EIF2A: variants seen among roughly 807,000 people sequenced by gnomAD.
EIF2A encodes the protein eukaryotic translation initiation factor 2A.
Under a neutral mutation model 75.2 loss-of-function variants are expected in EIF2A, and 62 were observed. That is an observed-to-expected ratio of 0.82 (90% confidence interval 0.67 to 1.02). The LOEUF is 1.02. EIF2A is among the 50% of genes least tolerant of loss of function. EIF2A has a pLI of 0.00. For missense variants in EIF2A, 611 were observed against 677.7 expected, an observed-to-expected ratio of 0.90 and a Z score of 1.09; for synonymous variants, 207 against 239.0, an observed-to-expected ratio of 0.87 and a Z score of 1.23.
Position 150,585,720 on chromosome 3 carries a change from C to G in EIF2A, c.*1809C>G, listed in dbSNP as rs1725442369. Among the ~76,000 whole-genome samples, 3 of 152,252 alleles carry G rather than the reference C, an allele frequency of 2.0e-5. No individual in the cohort carries two copies. Among genetic ancestry groups the G allele is most frequent in the East Asian group, 3.9e-4 (2 of 5,172 alleles). On this transcript the variant is annotated 3_prime_UTR_variant, in exon 14 of 14. Transcript: ENST00000460851. ...ATAGACTGACTGTGCCACCTTAAAACTCGTATGTTGAAGCCCTAACCTCCA... is the reference window on the plus strand; with the variant it reads ...ATAGACTGACTGTGCCACCTTAAAAGTCGTATGTTGAAGCCCTAACCTCCA...
chr3:150,562,218 C>A (rs1375595427), intron 3 of EIF2A, among the ~76,000 whole-genome samples: 1 of 152,020 alleles, frequency 6.6e-6, no homozygotes, highest in Non-Finnish European at 1.5e-5. Flanking sequence ...GTCAGGAGAT[C>A]AAGACCATCC....
rs144432205 is a variant in EIF2A, at chr3:150,550,098, T to C, written c.29-2258T>C. On this transcript the variant is annotated intron_variant, in intron 1 of 13. Transcript: ENST00000460851. ...AAAGATTATGTAGATGTTTAATGTATTTCACACAGCTACTGTGTGAAACTG... is the reference window on the plus strand; with the variant it reads ...AAAGATTATGTAGATGTTTAATGTACTTCACACAGCTACTGTGTGAAACTG... 2.4e-3 allele frequency among the ~76,000 whole-genome samples: 364 copies of C among 151,650 alleles called. 2 individuals carry two copies. The highest frequency in any genetic ancestry group is 4.2e-3 in the Non-Finnish European group (285 of 67,962).
intron 1 of EIF2A, 157 bp downstream of exon 1, chr3:150,546,987 C>A: frequency 1.0e-6 from 1 of 966,722 alleles, no homozygotes; most frequent in Non-Finnish European, 1.5e-6. Flanking sequence ...TATAGCGTGG[C>A]AATCGGAAGT....
At chr3:150,569,455 G>A (rs1724383087) in intron 9 of EIF2A, among the ~76,000 whole-genome samples, 1 of 151,624 alleles carries the variant, frequency 6.6e-6, no homozygotes, top group African/African-American at 2.4e-5. Flanking sequence ...TGGCTGTAAG[G>A]TTGGTGTTGA....
intron 9 of EIF2A, among the ~76,000 whole-genome samples, chr3:150,571,392 G>T (rs1049515022): frequency 7.9e-5 from 12 of 152,220 alleles, no homozygotes; most frequent in African/African-American, 2.9e-4. Context: ...TGCCCACCTT[G>T]GCCTCCCAAA....
At chr3:150,554,762 G>T (rs1276153440) in intron 2 of EIF2A, among the ~76,000 whole-genome samples, 2 of 152,042 alleles carry the variant, frequency 1.3e-5, no homozygotes, top group South Asian at 2.1e-4. Context: ...TGACTCTACT[G>T]ACCAATTTTT....
intron 12 of EIF2A, among the ~76,000 whole-genome samples, chr3:150,582,149 C>T (rs137894621): frequency 0.015 from 2,174 of 141,362 alleles, 49 homozygotes; most frequent in African/African-American, 0.054. Context: ...TACAGGTGTG[C>T]GCCACCACGC....
chr3:150,547,091 G>T (rs1365112933), intron 1 of EIF2A: 4 of 548,788 alleles, frequency 7.3e-6, no homozygotes, highest in Non-Finnish European at 1.3e-5. Flanking sequence ...ATAGAAGAAG[G>T]GGGAGAAAAA....
intron 5 of EIF2A, among the ~76,000 whole-genome samples, 183 bp from the exon 6 acceptor site, chr3:150,564,116 G>A (rs1267772367): frequency 7.2e-5 from 11 of 152,118 alleles, no homozygotes; most frequent in Admixed American, 7.2e-4. Context: ...ACCGCACCTG[G>A]CCTTTTCTAT....
chr3:150,554,917 T>A (rs567257537), intron 2 of EIF2A, among the ~76,000 whole-genome samples: 2 of 150,768 alleles, frequency 1.3e-5, no homozygotes, highest in African/African-American at 4.8e-5. Flanking sequence ...TTTAGCTAGA[T>A]CTTCAGATGA....
chr3:150,581,482 A>C (rs1725172547), intron 11 of EIF2A, 136 bp from the exon 12 acceptor site: 2 of 1,128,292 alleles, frequency 1.8e-6, no homozygotes, highest in African/African-American at 3.2e-5. Flanking sequence ...TGAGACCTTT[A>C]ATTCAGATTC....
At chr3:150,555,334 G>A (rs1723505721) in intron 2 of EIF2A, among the ~76,000 whole-genome samples, 1 of 151,938 alleles carries the variant, frequency 6.6e-6, no homozygotes, top group South Asian at 2.1e-4. Flanking sequence ...TCGGCTCACT[G>A]CAACCTCTGC....
At chr3:150,561,130 A>C (rs1723829790) in intron 3 of EIF2A, among the ~76,000 whole-genome samples, 1 of 152,050 alleles carries the variant, frequency 6.6e-6, no homozygotes, top group Admixed American at 6.6e-5. Context: ...TTATTTAAAA[A>C]AAATTTTTTT....
chr3:150,577,753 A>C (rs528180892), intron 11 of EIF2A, among the ~76,000 whole-genome samples: 2 of 152,074 alleles, frequency 1.3e-5, no homozygotes, highest in Admixed American at 6.6e-5. Context: ...GCTGGTTGCT[A>C]TATCAGTATA....
In EIF2A at chr3:150,552,283, T is replaced by A. The variant is rs1191940855; in HGVS notation, c.29-73T>A. On this transcript the variant is annotated intron_variant, in intron 1 of 13. Coordinates refer to ENST00000460851, the MANE Select transcript of EIF2A (RefSeq NM_032025.5). ...AATATTTTGACTAAAGCTGCTTTTT[T>A]AAAAAACACATTTGTGTTAACTGAG... 3.1e-5 allele frequency: 42 copies of A among 1,338,860 alleles called. No homozygotes were observed. In the East Asian group the frequency reaches 8.1e-4, roughly 26 times the overall value. The allele number at this position is 1,338,860 out of a possible 1,614,324, so 82.9% of individuals were successfully genotyped here.
At chr3:150,579,638 C>T (rs1238242863) in intron 11 of EIF2A, among the ~76,000 whole-genome samples, 2 of 151,436 alleles carry the variant, frequency 1.3e-5, no homozygotes, top group Non-Finnish European at 2.9e-5. Context: ...TCGCTTGAAC[C>T]CGGGAGGTGG....
chr3:150,571,916 T>C (rs1278380319), intron 9 of EIF2A, 42 bp from the exon 10 acceptor site: 2 of 1,529,234 alleles, frequency 1.3e-6, no homozygotes, highest in African/African-American at 1.4e-5. Context: ...AATATTTATA[T>C]AGTTCTTTAT....
At chr3:150,582,224 C>G (rs1351705855) in intron 12 of EIF2A, among the ~76,000 whole-genome samples, 2 of 151,756 alleles carry the variant, frequency 1.3e-5, no homozygotes, top group Admixed American at 6.6e-5. Context: ...TGGTCTCAAA[C>G]TCCTGCCCTC....
chr3:150,581,869 G>T lies in EIF2A; in HGVS notation c.1626+123G>T, dbSNP rs1000705121. 3.4e-6 allele frequency: 4 copies of T among 1,161,702 alleles called. No individual in the cohort carries two copies. The African/African-American group carries it at 6.2e-5, about 18-fold the overall frequency. 72.0% of individuals were successfully genotyped at this position (1,161,702 alleles called of 1,614,324 possible). A position where few individuals can be genotyped will look rare whatever the true frequency, so the allele number is the denominator to read the frequency against. ...GTTGGTATCAGCAGTTCTCATTGTT[G>T]TTTTCTCACTATGAAGCACTGTTCA... is the stretch of plus-strand genomic sequence containing the variant. On this transcript the variant is annotated intron_variant, in intron 12 of 13. Transcript: ENST00000460851.
Sources: allele counts gnomAD v4.1 joint callset (sites outside exome capture counted in the v4.1 genomes callset), GRCh38; gene constraint gnomAD v4.1.1; transcripts MANE v1.5; gene names NCBI Gene and HGNC (gene_info 2026-07-23, HGNC 2026-07-21).